The following NBAS variants were observed in gnomAD, a reference collection of about 807,000 sequenced individuals.
NBAS encodes the protein NAG/BC035112 fusion.
Under a neutral mutation model 302.5 loss-of-function variants are expected in NBAS, and 219 were observed. The observed-to-expected ratio is 0.72, with a 90% CI of 0.65 to 0.81. NBAS has a LOEUF of 0.81. Among genes scored for constraint, NBAS ranks in the 30% least tolerant of loss-of-function variants. NBAS has a pLI of 0.00. For synonymous variants in NBAS, 1,118 were observed against 1,021.6 expected (o/e 1.09, Z -1.80); for missense variants, 2,932 against 2,841.6 (o/e 1.03, Z -0.72).
chr2:15,413,341 A>G (rs765752401), intron 25 of NBAS, among the ~76,000 whole-genome samples: 5 of 152,238 alleles, frequency 3.3e-5, no homozygotes, highest in Non-Finnish European at 7.3e-5. Context: ...AAGGAGATAA[A>G]TAAGATCTAG....
the NBAS span, among the ~76,000 whole-genome samples, chr2:14,861,110 C>T: frequency 2.0e-4 from 30 of 152,290 alleles, no homozygotes; most frequent in African/African-American, 7.0e-4. Flanking sequence ...TATTTGTAAT[C>T]TATCTCATTG....
chr2:15,422,697 A>G (rs971631152), intron 23 of NBAS, among the ~76,000 whole-genome samples: 14 of 152,236 alleles, frequency 9.2e-5, no homozygotes, highest in Non-Finnish European at 2.1e-4. Flanking sequence ...TTTAAAATTC[A>G]TGATACTGAT....
At chr2:15,173,546 G>A (rs1316727116) in intron 51 of NBAS, among the ~76,000 whole-genome samples, 3 of 152,094 alleles carry the variant, frequency 2.0e-5, no homozygotes, top group Non-Finnish European at 4.4e-5. Flanking sequence ...GTAAGTATAC[G>A]CTTGAGAAAA....
chr2:14,873,370 A>G, the NBAS span, among the ~76,000 whole-genome samples: 2 of 152,080 alleles, frequency 1.3e-5, no homozygotes, highest in Non-Finnish European at 2.9e-5. Context: ...GTGTGCCACC[A>G]CACCTGATTA....
the NBAS span, among the ~76,000 whole-genome samples, chr2:14,998,832 A>G: frequency 1.9e-4 from 29 of 152,236 alleles, no homozygotes; most frequent in African/African-American, 6.8e-4. Flanking sequence ...CATTCACAAG[A>G]GGACACTAAG....
chr2:14,948,861 G>C, the NBAS span, among the ~76,000 whole-genome samples: 9 of 152,220 alleles, frequency 5.9e-5, no homozygotes, highest in South Asian at 1.9e-3. Flanking sequence ...TACAAAGCTA[G>C]TAACCAAATT....
chr2:15,097,161 T>C, the NBAS span, among the ~76,000 whole-genome samples: 6 of 152,086 alleles, frequency 3.9e-5, no homozygotes, highest in Admixed American at 3.9e-4. Flanking sequence ...CAGTCACTGA[T>C]TGAGGGCTGC....
chr2:15,085,320 G>A, the NBAS span, among the ~76,000 whole-genome samples: 1 of 152,170 alleles, frequency 6.6e-6, no homozygotes, highest in African/African-American at 2.4e-5. Flanking sequence ...GTGTTCCTGC[G>A]CCTCAGGAGG....
At chr2:14,891,655 A>G in the NBAS span, among the ~76,000 whole-genome samples, 8 of 152,344 alleles carry the variant, frequency 5.3e-5, no homozygotes, top group African/African-American at 1.9e-4. Flanking sequence ...GGAGTAGTCC[A>G]AACATTCACA....
chr2:15,296,638 C>T (rs1024330051), intron 40 of NBAS, among the ~76,000 whole-genome samples: 2 of 152,112 alleles, frequency 1.3e-5, no homozygotes, highest in Non-Finnish European at 2.9e-5. Flanking sequence ...TAAGACCAGC[C>T]TGGGCAACAT....
intron 51 of NBAS, among the ~76,000 whole-genome samples, chr2:15,171,386 C>T (rs898895683): frequency 1.6e-4 from 25 of 152,064 alleles, no homozygotes; most frequent in African/African-American, 5.1e-4. Context: ...CACAATTAAT[C>T]GTATGATATT....
At chr2:15,470,404 T>C (rs1486465282) in intron 16 of NBAS, among the ~76,000 whole-genome samples, 1 of 152,230 alleles carries the variant, frequency 6.6e-6, no homozygotes, top group Non-Finnish European at 1.5e-5. Context: ...GTGTTCACTA[T>C]TGTCAAATAT....
At chr2:15,145,257 G>T in the NBAS span, among the ~76,000 whole-genome samples, 2 of 152,174 alleles carry the variant, frequency 1.3e-5, no homozygotes, top group East Asian at 3.9e-4. Context: ...CAGCTTTGCG[G>T]TTACTAGATT....
chr2:15,034,288 G>GAA, the NBAS span, among the ~76,000 whole-genome samples: 2 of 98,646 alleles, frequency 2.0e-5, no homozygotes, highest in Admixed American at 2.0e-4. Context: ...GAGAAAGAAA[G>GAA]AAAGAAAGAA....
At chr2:14,924,914 T>C in the NBAS span, among the ~76,000 whole-genome samples, 3 of 152,240 alleles carry the variant, frequency 2.0e-5, no homozygotes, top group African/African-American at 7.2e-5. Context: ...TCTCAGCGGT[T>C]TCCACCTTAA....
At chr2:15,403,864 C>CGTGT (rs10624311) in intron 25 of NBAS, among the ~76,000 whole-genome samples, 20,475 of 135,230 alleles carry the variant, frequency 0.15, 1,764 homozygotes, top group African/African-American at 0.23. Flanking sequence ...TTCCTTCCTT[C>CGTGT]GTGTGTGTGT....
chr2:15,504,340 C>A, intron 10 of NBAS, 127 bp from the exon 11 acceptor site: 1 of 807,214 alleles, frequency 1.2e-6, no homozygotes, highest in Non-Finnish European at 2.0e-6. Context: ...AGAAAATCAC[C>A]AAGAAGGTGT....
At chr2:15,284,039 G>A (rs1669935927) in intron 42 of NBAS, among the ~76,000 whole-genome samples, 1 of 152,094 alleles carries the variant, frequency 6.6e-6, no homozygotes, top group Non-Finnish European at 1.5e-5. Flanking sequence ...CCAAGAGGCT[G>A]AGAGAGCCAG....
chr2:15,313,096 G>A (rs1439158977), intron 38 of NBAS, among the ~76,000 whole-genome samples: 3 of 152,056 alleles, frequency 2.0e-5, no homozygotes, highest in Admixed American at 6.5e-5. Flanking sequence ...CCTAAAAAAC[G>A]AAAGTTAACA....
Sources: allele counts gnomAD v4.1 joint callset (sites outside exome capture counted in the v4.1 genomes callset), GRCh38; gene constraint gnomAD v4.1.1; transcripts MANE v1.5; gene names NCBI Gene and HGNC (gene_info 2026-07-23, HGNC 2026-07-21).